FER: variants seen among roughly 807,000 people sequenced by gnomAD.
FER encodes tyrosine-protein kinase Fer.
In FER, 63 loss-of-function variants were observed where a neutral mutation model predicts 111.0. The observed-to-expected ratio is 0.57, with a 90% CI of 0.46 to 0.70. The LOEUF (loss-of-function observed/expected upper bound fraction) is 0.70, where lower values mean the gene tolerates loss of function less well. Among genes scored for constraint, FER ranks in the 30% least tolerant of loss-of-function variants. The probability of loss-of-function intolerance (pLI) is 0.00; values close to 1 mark genes in which losing one functional copy is unlikely to be tolerated. For missense variants in FER, 914 were observed against 954.0 expected (o/e 0.96, Z 0.55); for synonymous variants, 327 against 313.9 (o/e 1.04, Z -0.44).
chr5:108,893,666 C>G (rs1050711408), intron 9 of FER, among the ~76,000 whole-genome samples: 5 of 151,982 alleles, frequency 3.3e-5, no homozygotes, highest in Admixed American at 6.6e-5. Flanking sequence ...CCATAAGTCT[C>G]CCCCCATATT....
intron 14 of FER, among the ~76,000 whole-genome samples, chr5:109,044,444 G>C (rs1347579025): frequency 6.6e-6 from 1 of 152,180 alleles, no homozygotes; most frequent in African/African-American, 2.4e-5. Flanking sequence ...GCCTCCCAAA[G>C]TGCTGGGATT....
At chr5:108,752,973 C>G (rs140876986) in intron 1 of FER, among the ~76,000 whole-genome samples, 40 of 152,022 alleles carry the variant, frequency 2.6e-4, no homozygotes, top group African/African-American at 8.9e-4. Flanking sequence ...GTCAGATAAT[C>G]GGGTTTTAGT....
At chr5:108,999,641 C>G (rs1403459704) in intron 13 of FER, among the ~76,000 whole-genome samples, 1 of 151,434 alleles carries the variant, frequency 6.6e-6, no homozygotes, top group Non-Finnish European at 1.5e-5. Flanking sequence ...TATGTTTGTA[C>G]CAATTTATAC....
chr5:108,954,770 A>G lies in FER; in HGVS notation c.1371A>G (p.Glu457=). ...CCATCAGTGAGAAGCCTTTGGCAGAACAGGACTGGTACCATGGTGCAATTC... is the reference window on the plus strand; with the variant it reads ...CCATCAGTGAGAAGCCTTTGGCAGAGCAGGACTGGTACCATGGTGCAATTC... ...MISISEKPLA[E]QDWYHGAIPR... The change falls in exon 12 of 20, where the codon GAA becomes GAG. Residue 457 remains glutamate, a synonymous_variant. Transcript: ENST00000281092. 1.2e-6 allele frequency: 2 copies of G among 1,611,224 alleles called. No homozygotes were observed. Among genetic ancestry groups the G allele is most frequent in the Non-Finnish European group, 1.7e-6 (2 of 1,178,398 alleles).
intron 1 of FER, among the ~76,000 whole-genome samples, chr5:108,755,918 G>T (rs868771430): frequency 2.7e-5 from 4 of 150,658 alleles, no homozygotes; most frequent in African/African-American, 7.3e-5. Flanking sequence ...TTGGGAGGCC[G>T]AGGTGGGTGG....
chr5:109,149,173 C>T (rs796976994), intron 17 of FER, among the ~76,000 whole-genome samples: 44 of 152,064 alleles, frequency 2.9e-4, no homozygotes, highest in African/African-American at 9.9e-4. Flanking sequence ...ATATGTGTAA[C>T]GTTATTTAAA....
intron 13 of FER, among the ~76,000 whole-genome samples, chr5:108,969,470 A>C (rs1008473079): frequency 6.6e-6 from 1 of 152,166 alleles, no homozygotes; most frequent in Non-Finnish European, 1.5e-5. Flanking sequence ...TATGATTATA[A>C]GTCTGATTTT....
In FER at chr5:109,180,884, C is replaced by T. The variant is rs1758217855; in HGVS notation, c.2186C>T (p.Pro729Leu). 4 of 1,608,820 alleles carry T rather than the reference C, an allele frequency of 2.5e-6. No homozygotes were observed. Among genetic ancestry groups the T allele is most frequent in the African/African-American group, 1.3e-5 (1 of 74,580 alleles). ...CAGATTCCCATTAAATGGACAGCAC[C>T]GGAAGCTCTTAATTATGGTAAGAAT... ...LKQIPIKWTA[P>L]EALNYGRYSS... Residue 729 changes from proline to leucine, a missense_variant, in exon 18 of 20, where the codon CCG becomes CTG. Around this residue, in one of 3 missense-constraint regions of FER, gnomAD observed 134 missense variants for 149.4 expected, o/e 0.90. Coordinates refer to ENST00000281092, the MANE Select transcript of FER (RefSeq NM_005246.4).
At chr5:109,170,777 G>A (rs1248949629) in intron 17 of FER, among the ~76,000 whole-genome samples, 1 of 152,188 alleles carries the variant, frequency 6.6e-6, no homozygotes, top group Non-Finnish European at 1.5e-5. Flanking sequence ...TACCCTCTGA[G>A]TGTGACTTGC....
At chr5:108,953,932 A>G (rs1390652889) in intron 11 of FER, among the ~76,000 whole-genome samples, 1 of 152,114 alleles carries the variant, frequency 6.6e-6, no homozygotes, top group African/African-American at 2.4e-5. Context: ...TTGTAATCAG[A>G]AAATGTGTGA....
chr5:108,782,395 C>T, intron 2 of FER, among the ~76,000 whole-genome samples: 1 of 151,866 alleles, frequency 6.6e-6, no homozygotes, highest in East Asian at 1.9e-4. Flanking sequence ...GACCACGTTT[C>T]TTACATGCCC....
At chr5:108,860,691 C>T (rs1484541743) in intron 5 of FER, among the ~76,000 whole-genome samples, 1 of 152,060 alleles carries the variant, frequency 6.6e-6, no homozygotes, top group Non-Finnish European at 1.5e-5. Flanking sequence ...CCTAGGATAG[C>T]GAGTGTAGAG....
chr5:108,964,314 G>A (rs943726632), intron 13 of FER, among the ~76,000 whole-genome samples: 6 of 152,112 alleles, frequency 3.9e-5, no homozygotes, highest in Admixed American at 3.9e-4. Context: ...ATCAAAGAAA[G>A]CCTCCTAATG....
At position 108,960,487 on chromosome 5, in the gene FER, C is replaced by A. The variant is rs1473755903; in HGVS notation, c.1656+1140C>A. On this transcript the variant is annotated intron_variant, in intron 13 of 19. Transcript: ENST00000281092. ...TTTATTCATTTTCTACCCTTAATTA[C>A]CAAAACCATAAAAAATTCTTCTTCA... 2.0e-5 allele frequency among the ~76,000 whole-genome samples: 3 copies of A among 151,778 alleles called. No homozygotes were observed. The South Asian group carries it at 6.2e-4, about 31-fold the overall frequency.
Position 109,044,780 on chromosome 5 carries a change from T to G in FER, c.1814T>G (p.Phe605Cys). 1 of 1,548,970 alleles carries G rather than the reference T, an allele frequency of 6.5e-7. No individual in the cohort carries two copies. Among genetic ancestry groups the G allele is most frequent in the South Asian group, 1.2e-5 (1 of 82,202 alleles). Residue 605 changes from phenylalanine to cysteine, a missense_variant, in exon 15 of 20, where the codon TTT becomes TGT. Phe to Cys is a radical substitution (Grantham distance 205). Coordinates refer to ENST00000281092, the MANE Select transcript of FER (RefSeq NM_005246.4). ...CTTCCTCAGGAATTGAAAATAAAAT[T>G]TTTACAAGAAGCCAAGTGAGTTATT... The part of the protein sequence containing the change: ...EDLPQELKIK[F>C]LQEAKILKQY...
intron 3 of FER, among the ~76,000 whole-genome samples, chr5:108,803,556 A>G (rs954702467): frequency 7.9e-5 from 12 of 152,150 alleles, no homozygotes; most frequent in African/African-American, 2.9e-4. Flanking sequence ...ATATAAAGCT[A>G]GCCAGCTATC....
At chr5:108,957,462 G>C (rs1435905731) in intron 12 of FER, among the ~76,000 whole-genome samples, 1 of 151,510 alleles carries the variant, frequency 6.6e-6, no homozygotes, top group Admixed American at 6.6e-5. Flanking sequence ...ATAAATGCAG[G>C]CAAGGATGTG....
At position 108,883,537 on chromosome 5, in the gene FER, A is replaced by G. The variant is rs189949847; in HGVS notation, c.1046+19A>G. The stretch of plus-strand genomic sequence containing the variant: ...AGTCTGAGTGAGTAAAAGAGAAACA[A>G]TTTGAAGGAAGAATGTTTAATTGTA... On this transcript the variant is annotated intron_variant, in intron 9 of 19. Coordinates refer to ENST00000281092, the MANE Select transcript of FER (RefSeq NM_005246.4). 1.7e-3 allele frequency: 2,619 copies of G among 1,547,528 alleles called. 3 individuals carry two copies. The highest frequency in any genetic ancestry group is 2.2e-3 in the South Asian group (175 of 80,672).
intron 13 of FER, among the ~76,000 whole-genome samples, chr5:109,013,933 C>G (rs1203656525): frequency 7.9e-5 from 12 of 151,706 alleles, no homozygotes; most frequent in South Asian, 2.1e-4. Flanking sequence ...GGGGTTGGTT[C>G]TTTTTTTCTT....
Sources: allele counts gnomAD v4.1 joint callset (sites outside exome capture counted in the v4.1 genomes callset), GRCh38; gene constraint gnomAD v4.1.1; regional missense constraint gnomAD v4.1.1; transcripts MANE v1.5; gene names NCBI Gene and HGNC (gene_info 2026-07-23, HGNC 2026-07-21).